The following DOK5 variants were observed in gnomAD, a reference collection of about 807,000 sequenced individuals.
The protein encoded by DOK5 is docking protein 5.
In DOK5, 27 loss-of-function variants were observed where a neutral mutation model predicts 43.3. That is an observed-to-expected ratio of 0.62 (90% CI 0.46 to 0.86). The LOEUF is 0.86. Ranked by LOEUF, DOK5 falls within the 40% of genes least tolerant of loss-of-function variation. The probability of loss-of-function intolerance (pLI) is 0.00; values close to 1 mark genes in which losing one functional copy is unlikely to be tolerated. For missense variants in DOK5, 373 were observed against 392.9 expected (o/e 0.95, Z 0.43); for synonymous variants, 146 against 140.1 (o/e 1.04, Z -0.30).
Position 54,591,776 on chromosome 20 carries a change from T to G in DOK5, c.570T>G (p.Asp190Glu). 6.2e-7 allele frequency: 1 copy of G among 1,613,036 alleles called. No homozygotes were observed. The highest frequency in any genetic ancestry group is 8.5e-7 in the Non-Finnish European group (1 of 1,179,792). Residue 190 changes from aspartate (D) to glutamate (E), a missense_variant, in exon 5 of 8, where the codon GAT (aspartate) becomes GAG (glutamate). Transcript: ENST00000262593. ...GCGCCCTGCGGCGGTATGGACGTGA[T>G]ACTACGTGGTTCACTTTTGAGGCAG... ...PLSALRRYGR[D>E]TTWFTFEAGR...
intron 6 of DOK5, among the ~76,000 whole-genome samples, chr20:54,622,533 G>A (rs1272008295): frequency 6.6e-6 from 1 of 152,206 alleles, no homozygotes; most frequent in Admixed American, 6.5e-5. Context: ...ACGGTGCCAG[G>A]GATGTTGGTT....
intron 2 of DOK5, among the ~76,000 whole-genome samples, chr20:54,556,149 A>G (rs538644957): frequency 1.3e-4 from 20 of 152,314 alleles, no homozygotes; most frequent in Middle Eastern, 3.4e-3. Flanking sequence ...CTTTTGAGAC[A>G]GGTAGAGAAG....
intron 2 of DOK5, among the ~76,000 whole-genome samples, chr20:54,584,680 G>A (rs1197818591): frequency 6.7e-6 from 1 of 149,354 alleles, no homozygotes; most frequent in Non-Finnish European, 1.5e-5. Context: ...ATTTGTATGT[G>A]TGTGTATATA....
chr20:54,594,210 C>T (rs1388484618), intron 5 of DOK5, among the ~76,000 whole-genome samples: 1 of 151,584 alleles, frequency 6.6e-6, no homozygotes, highest in Non-Finnish European at 1.5e-5. Flanking sequence ...GTATATTGTA[C>T]AAAAAATAAA....
intron 2 of DOK5, among the ~76,000 whole-genome samples, chr20:54,587,915 G>A (rs1430671574): frequency 6.6e-6 from 1 of 152,188 alleles, no homozygotes; most frequent in Non-Finnish European, 1.5e-5. Context: ...TACTTTCTAT[G>A]ATTTGGACCT....
intron 2 of DOK5, among the ~76,000 whole-genome samples, chr20:54,562,288 G>C (rs1024298016): frequency 2.6e-5 from 4 of 152,124 alleles, no homozygotes; most frequent in African/African-American, 9.7e-5. Flanking sequence ...GGGAACCCTG[G>C]TGTATTGAGA....
intron 6 of DOK5, among the ~76,000 whole-genome samples, chr20:54,640,632 C>T (rs1471348959): frequency 2.0e-5 from 3 of 152,330 alleles, no homozygotes; most frequent in Non-Finnish European, 2.9e-5. Context: ...CTTCAAAACG[C>T]GGCGTTGCTG....
intron 6 of DOK5, among the ~76,000 whole-genome samples, chr20:54,616,907 A>G (rs542169712): frequency 1.4e-4 from 21 of 148,674 alleles, no homozygotes; most frequent in African/African-American, 5.3e-4. Context: ...CTCCTGCCTC[A>G]GCCTCCCGAG....
At chr20:54,510,116 G>A (rs2146686525) in intron 1 of DOK5, among the ~76,000 whole-genome samples, 1 of 152,036 alleles carries the variant, frequency 6.6e-6, no homozygotes, top group South Asian at 2.1e-4. Flanking sequence ...CTAAAAATAA[G>A]AATTAAAAAA....
intron 1 of DOK5, among the ~76,000 whole-genome samples, chr20:54,500,331 GA>G (rs1016733829): frequency 1.3e-5 from 2 of 151,810 alleles, no homozygotes; most frequent in African/African-American, 4.8e-5. Context: ...CACTGGACAC[GA>G]AAAAAATAGG....
rs1985229467 is a variant in DOK5, at chr20:54,569,900, A to G, written c.174+14860A>G. Among the ~76,000 whole-genome samples the G allele has an allele frequency of 2.0e-5, 3 of 152,218 alleles. No individual in the cohort carries two copies. In the South Asian group the frequency reaches 6.2e-4, roughly 32 times the overall value. On this transcript the variant is annotated intron_variant, in intron 2 of 7. Transcript: ENST00000262593. ...TTTTGGAAGGAATGAAACCATGTAT[A>G]TGGGGACTGGAATATAACTGTCTAG...
chr20:54,637,945 AC>A (rs1978907352), intron 6 of DOK5, among the ~76,000 whole-genome samples: 1 of 152,052 alleles, frequency 6.6e-6, no homozygotes, highest in Non-Finnish European at 1.5e-5. Flanking sequence ...ACACGGTGAA[AC>A]CCCGTCTCTA....
At chr20:54,515,133 C>A (rs1475674088) in intron 1 of DOK5, among the ~76,000 whole-genome samples, 3 of 151,964 alleles carry the variant, frequency 2.0e-5, no homozygotes, top group Non-Finnish European at 4.4e-5. Context: ...GCCTTAGCCT[C>A]CCGAGTAGCT....
chr20:54,517,785 T>C (rs1050409574), intron 1 of DOK5, among the ~76,000 whole-genome samples: 1 of 152,178 alleles, frequency 6.6e-6, no homozygotes, highest in Admixed American at 6.5e-5. Context: ...GAGTAGTGCT[T>C]TTACAAAACA....
At chr20:54,524,758 T>A (rs1983523831) in intron 1 of DOK5, among the ~76,000 whole-genome samples, 2 of 152,232 alleles carry the variant, frequency 1.3e-5, no homozygotes, top group South Asian at 4.1e-4. Flanking sequence ...CCTCTCCTAA[T>A]TTGTTTTTTC....
chr20:54,567,708 A>G (rs573308494), intron 2 of DOK5, among the ~76,000 whole-genome samples: 3 of 152,290 alleles, frequency 2.0e-5, no homozygotes, highest in Non-Finnish European at 2.9e-5. Flanking sequence ...GCCTGTCTAT[A>G]TCTACAGAAA....
chr20:54,508,610 G>A (rs537027777), intron 1 of DOK5, among the ~76,000 whole-genome samples: 12 of 151,936 alleles, frequency 7.9e-5, no homozygotes, highest in Non-Finnish European at 1.2e-4. Flanking sequence ...ACAGAGTTTC[G>A]CTCTTTGTTG....
chr20:54,535,893 A>G (rs1983945688), intron 1 of DOK5, among the ~76,000 whole-genome samples: 1 of 152,190 alleles, frequency 6.6e-6, no homozygotes, highest in Admixed American at 6.5e-5. Context: ...ATGTTAAGGC[A>G]TGTTTGGAAA....
intron 6 of DOK5, among the ~76,000 whole-genome samples, chr20:54,616,784 C>CTTTTTTTTTTTTTTTTTTTT (rs550110589): frequency 2.4e-4 from 25 of 105,742 alleles, no homozygotes; most frequent in African/African-American, 5.4e-4. Context: ...TTTTTTTTTT[C>CTTTTTTTTTTTTTTTTTTTT]TTTTTTTTTT....
Sources: allele counts gnomAD v4.1 joint callset (sites outside exome capture counted in the v4.1 genomes callset), GRCh38; gene constraint gnomAD v4.1.1; transcripts MANE v1.5; gene names NCBI Gene and HGNC (gene_info 2026-07-23, HGNC 2026-07-21).